Variants in EIF3M observed in about 807,000 individuals in gnomAD.
EIF3M encodes the protein eukaryotic translation initiation factor 3 subunit M.
EIF3M carries 25 observed loss-of-function variants against 49.7 expected under a neutral mutation model. The ratio of observed to expected loss-of-function variants is 0.50; its 90% CI spans 0.37 to 0.70. EIF3M has a LOEUF of 0.70. EIF3M is among the 30% of genes least tolerant of loss of function. The pLI is 0.00. For missense variants in EIF3M, 350 were observed against 440.0 expected (o/e 0.80, Z 1.83); for synonymous variants, 156 against 149.8 (o/e 1.04, Z -0.30).
At chr11:32,595,647 A>G (rs899043399) in intron 7 of EIF3M, among the ~76,000 whole-genome samples, 4 of 152,236 alleles carry the variant, frequency 2.6e-5, no homozygotes, top group Non-Finnish European at 5.9e-5. Context: ...TATAAGTCTG[A>G]TATTTAAAAA....
intron 1 of EIF3M, among the ~76,000 whole-genome samples, chr11:32,586,171 G>A (rs1412812806): frequency 6.6e-6 from 1 of 152,156 alleles, no homozygotes; most frequent in Non-Finnish European, 1.5e-5. Flanking sequence ...AGAGGTTGCA[G>A]TGAGCCGGGA....
At chr11:32,598,321 A>C (rs909133631) in intron 8 of EIF3M, among the ~76,000 whole-genome samples, 1 of 152,196 alleles carries the variant, frequency 6.6e-6, no homozygotes, top group African/African-American at 2.4e-5. Flanking sequence ...TCAATGATGC[A>C]CTTTTTTTAT....
intron 10 of EIF3M, 71 bp from the exon 11 acceptor site, chr11:32,602,208 C>T (rs1483853803): frequency 2.2e-5 from 34 of 1,572,562 alleles, no homozygotes; most frequent in Non-Finnish European, 2.9e-5. Context: ...GGATTCAAAT[C>T]TGTAGTATTA....
intron 6 of EIF3M, 69 bp from the exon 7 acceptor site, chr11:32,594,845 A>AT: frequency 7.1e-7 from 1 of 1,415,440 alleles, no homozygotes; most frequent in Non-Finnish European, 9.7e-7. Context: ...ATATTTTATG[A>AT]TCTGCAAAAA....
In EIF3M at chr11:32,587,041, T is replaced by G; in HGVS notation, c.72T>G (p.Ser24=). The G allele has an allele frequency of 1.2e-6, 2 of 1,612,018 alleles. No homozygotes were observed. Among genetic ancestry groups the G allele is most frequent in the Non-Finnish European group, 8.5e-7 (1 of 1,178,738 alleles). ...CTGAGCTTCGTGCTTATCTGAAATCTAAAGGAGCTGAGATTTCAGAAGAGA... is the reference window on the plus strand; with the variant it reads ...CTGAGCTTCGTGCTTATCTGAAATCGAAAGGAGCTGAGATTTCAGAAGAGA... ...QAAELRAYLK[S]KGAEISEENS... is the part of the protein sequence containing the mutation. Residue 24 remains serine (S), a synonymous_variant, in exon 2 of 11, where the codon TCT becomes TCG. Coordinates refer to ENST00000531120, the MANE Select transcript of EIF3M (RefSeq NM_006360.6).
At chr11:32,592,380 T>C (rs1697118483) in intron 5 of EIF3M, 2 of 552,318 alleles carry the variant, frequency 3.6e-6, no homozygotes. Context: ...ACTTCTGTGG[T>C]TTCAATCTTG....
chr11:32,591,508 A>G (rs1855102372), intron 5 of EIF3M, among the ~76,000 whole-genome samples: 1 of 152,242 alleles, frequency 6.6e-6, no homozygotes, highest in Non-Finnish European at 1.5e-5. Flanking sequence ...AGGCAAAGGT[A>G]CAACAGATAA....
rs185766333 is a variant in EIF3M at position 32,596,118 on chromosome 11, G to A, written c.799+71G>A. On this transcript the variant is annotated intron_variant, in intron 8 of 10. Transcript: ENST00000531120. ...ATACACTAACAGTTATGTACTATGT[G>A]TTCCAGCAAGTATGGCTGTGGCCTT... 243 of 1,167,594 alleles carry A rather than the reference G, an allele frequency of 2.1e-4. 2 individuals carry two copies. The Middle Eastern group carries it at 3.9e-3, about 19-fold the overall frequency. 72.3% of individuals were successfully genotyped at this position (1,167,594 alleles called of 1,614,324 possible).
At chr11:32,588,762 T>G (rs777430050) in intron 3 of EIF3M, 30 bp downstream of exon 3, 1 of 1,610,936 alleles carries the variant, frequency 6.2e-7, no homozygotes, top group Admixed American at 1.7e-5. Flanking sequence ...AAACTCAGTT[T>G]TTCTAGGTGC....
intron 1 of EIF3M, 139 bp from the exon 2 acceptor site, chr11:32,586,873 G>T: frequency 8.5e-7 from 1 of 1,182,446 alleles, no homozygotes; most frequent in Non-Finnish European, 1.1e-6. Flanking sequence ...GATGGATGAG[G>T]TGAGGGAGGG....
chr11:32,602,660 G>C lies in EIF3M; in HGVS notation c.*261G>C, dbSNP rs1855288564. 3 of 770,186 alleles carry C rather than the reference G, an allele frequency of 3.9e-6. No homozygotes were observed. The highest frequency in any genetic ancestry group is 6.1e-6 in the Non-Finnish European group (3 of 492,320). 47.7% of individuals were successfully genotyped at this position (770,186 alleles called of 1,614,324 possible). On this transcript the variant is annotated 3_prime_UTR_variant, in exon 11 of 11. Transcript: ENST00000531120. ...AAGGATAATATACAGAGAGAAGACAGAAGTAGAGTAATACAATTTCTTCAC... is the reference window on the plus strand; with the variant it reads ...AAGGATAATATACAGAGAGAAGACACAAGTAGAGTAATACAATTTCTTCAC...
rs1855343000 is a variant in EIF3M at position 32,605,846 on chromosome 11, T to C, written c.*3447T>C. 1 of 152,236 alleles carries C rather than the reference T, an allele frequency of 6.6e-6. No individual in the cohort carries two copies. The highest frequency in any genetic ancestry group is 2.1e-4 in the South Asian group (1 of 4,832). 9.4% of individuals were successfully genotyped at this position (152,236 alleles called of 1,614,324 possible). On this transcript the variant is annotated 3_prime_UTR_variant, in exon 11 of 11. Transcript: ENST00000531120. ...TATATTGCCTTGTATCTTCGTTCTT[T>C]CGTCTCCTATCCTTTTTAGAAATTT... is the stretch of plus-strand genomic sequence containing the variant.
chr11:32,601,971 T>C (rs1695692839), intron 10 of EIF3M, 149 bp downstream of exon 10: 1 of 906,154 alleles, frequency 1.1e-6, no homozygotes, highest in Non-Finnish European at 1.7e-6. Context: ...AAGTTCAGAC[T>C]GAATGTGATT....
rs1590514618 is a variant in EIF3M at position 32,588,866 on chromosome 11, T to C, written c.314+134T>C. ...CATATTAGCTGTGACCTTGGGCAAG[T>C]GGCTTGACCTTTCTGTGCCCTAGTT... On this transcript the variant is annotated intron_variant, in intron 3 of 10. Coordinates refer to ENST00000531120, the MANE Select transcript of EIF3M (RefSeq NM_006360.6). 5 of 1,535,328 alleles carry C rather than the reference T, an allele frequency of 3.3e-6. No homozygotes were observed. The East Asian group carries it at 1.1e-4, about 35-fold the overall frequency.
intron 8 of EIF3M, among the ~76,000 whole-genome samples, chr11:32,600,099 A>G (rs1021614223): frequency 6.6e-6 from 1 of 151,930 alleles, no homozygotes; most frequent in Non-Finnish European, 1.5e-5. Context: ...TATAAATGTT[A>G]AATGACACAC....
chr11:32,602,596 TA>T lies in EIF3M; in HGVS notation c.*203del. 2 of 793,292 alleles carry T rather than the reference TA, an allele frequency of 2.5e-6. No homozygotes were observed. The highest frequency in any genetic ancestry group is 3.8e-6 in the Non-Finnish European group (2 of 523,024). The allele number at this position is 793,292 out of a possible 1,614,324, so 49.1% of individuals were successfully genotyped here. A position where few individuals can be genotyped will look rare whatever the true frequency, so the allele number is the denominator to read the frequency against. On this transcript the variant is annotated 3_prime_UTR_variant, in exon 11 of 11. Coordinates refer to ENST00000531120, the MANE Select transcript of EIF3M (RefSeq NM_006360.6). ...CATACAATACATAAATTCTGTTCTT[TA>T]AAAAAGGATATTGAAGAAGCAATGA...
chr11:32,601,793 T>G lies in EIF3M; in HGVS notation c.975T>G (p.Ile325Met). The change falls in exon 10 of 11, where the codon ATT becomes ATG. Residue 325 changes from isoleucine (I) to methionine (M), a missense_variant. By Grantham distance (10) the Ile-to-Met change is conservative. Coordinates refer to ENST00000531120, the MANE Select transcript of EIF3M (RefSeq NM_006360.6). ...GAACTAAAATGGTCTACTGCAAAATTGATCAGACCCAGAGAAAAGTAGTTG... is the reference window on the plus strand; with the variant it reads ...GAACTAAAATGGTCTACTGCAAAATGGATCAGACCCAGAGAAAAGTAGTTG... ...AVRTKMVYCK[I>M]DQTQRKVVVS... 1 of 1,612,898 alleles carries G rather than the reference T, an allele frequency of 6.2e-7. No individual in the cohort carries two copies. Among genetic ancestry groups the G allele is most frequent in the East Asian group, 2.2e-5 (1 of 44,754 alleles).
intron 5 of EIF3M, 51 bp downstream of exon 5, chr11:32,589,692 G>T: frequency 2.6e-6 from 4 of 1,542,506 alleles, no homozygotes; most frequent in Non-Finnish European, 3.6e-6. Flanking sequence ...GTATAAGTAG[G>T]TGGGGATGTT....
intron 1 of EIF3M, among the ~76,000 whole-genome samples, chr11:32,585,229 A>G (rs1854977183): frequency 6.6e-6 from 1 of 152,168 alleles, no homozygotes; most frequent in Non-Finnish European, 1.5e-5. Context: ...ACAAAAAGAT[A>G]CCTGATTAGA....
Sources: allele counts gnomAD v4.1 joint callset (sites outside exome capture counted in the v4.1 genomes callset), GRCh38; gene constraint gnomAD v4.1.1; transcripts MANE v1.5; gene names NCBI Gene and HGNC (gene_info 2026-07-23, HGNC 2026-07-21).